The following GRHPR variants were observed in gnomAD, a reference collection of about 807,000 sequenced individuals.
The protein encoded by GRHPR is glyoxylate reductase/hydroxypyruvate reductase.
A neutral mutation model predicts 36.8 loss-of-function variants in GRHPR; 35 were observed. That is an observed-to-expected ratio of 0.95 (90% confidence interval 0.73 to 1.26). The LOEUF is 1.26. GRHPR is among the 50% of genes most tolerant of loss of function. The probability of loss-of-function intolerance (pLI) is 0.00; values close to 1 mark genes in which losing one functional copy is unlikely to be tolerated. For missense variants in GRHPR, 380 were observed against 435.0 expected, an observed-to-expected ratio of 0.87 and a Z score of 1.12; for synonymous variants, 179 against 181.0, an observed-to-expected ratio of 0.99 and a Z score of 0.09.
intron 5 of GRHPR, chr9:37,429,273 A>G (rs1160025248): frequency 7.1e-6 from 2 of 281,584 alleles, no homozygotes; most frequent in Middle Eastern, 1.2e-3. Flanking sequence ...AGCAGCTTAC[A>G]TGAAAATTGT....
upstream of GRHPR, chr9:37,422,591 C>T (rs951749623): frequency 1.5e-6 from 1 of 673,846 alleles, no homozygotes; most frequent in African/African-American, 1.8e-5. Flanking sequence ...ACAGTCACCG[C>T]TCAGCCGCAA....
downstream of GRHPR, chr9:37,438,836 C>G (rs1263576294): frequency 6.6e-6 from 1 of 152,244 alleles, no homozygotes; most frequent in Non-Finnish European, 1.5e-5. Context: ...TTTCCCACAT[C>G]TACTCGAAAG....
At chr9:37,427,852 A>C (rs1823157629) in intron 4 of GRHPR, 1 of 155,696 alleles carries the variant, frequency 6.4e-6, no homozygotes, top group Non-Finnish European at 1.4e-5. Flanking sequence ...AAAAAAAAAA[A>C]AAAAAGTTGG....
intron 8 of GRHPR, 39 bp from the exon 9 acceptor site, chr9:37,436,622 C>T (rs1292581799): frequency 8.1e-6 from 13 of 1,610,356 alleles, no homozygotes; most frequent in Non-Finnish European, 1.1e-5. Context: ...TGCTGAACCA[C>T]CCTTCTTATC....
In GRHPR at chr9:37,422,818, T is replaced by C. The variant is rs2118849212; in HGVS notation, c.68T>C (p.Leu23Pro). The C allele has an allele frequency of 9.4e-6, 15 of 1,599,626 alleles. No homozygotes were observed. Among genetic ancestry groups the C allele is most frequent in the Non-Finnish European group, 1.3e-5 (15 of 1,174,598 alleles). Residue 23 changes from leucine (L) to proline (P), a missense_variant, in exon 1 of 9, where the codon CTC becomes CCC. Transcript: ENST00000318158. ...RRIPAEGRVA[L>P]ARAADCEVEQ... ...ATACCCGCCGAGGGTAGGGTCGCGC[T>C]CGCCCGGGCGGCAGAGTAAGAGCCT...
chr9:37,422,534 C>G (rs1822872811), upstream of GRHPR: 1 of 606,554 alleles, frequency 1.6e-6, no homozygotes, highest in East Asian at 3.0e-5. Context: ...CACACACACA[C>G]AAGGACACTG....
chr9:37,437,064 C>T, downstream of GRHPR: 1 of 397,402 alleles, frequency 2.5e-6, no homozygotes, highest in Non-Finnish European at 4.8e-6. Flanking sequence ...CCTATAGTCC[C>T]AGCAACTCAG....
At chr9:37,439,116 A>T (rs960228924), downstream of GRHPR, 4 of 152,266 alleles carry the variant, frequency 2.6e-5, no homozygotes, top group African/African-American at 9.6e-5. Flanking sequence ...TGCATGAATT[A>T]AACTGACTTC....
At chr9:37,431,541 G>A (rs559383193) in intron 7 of GRHPR, 31 of 238,690 alleles carry the variant, frequency 1.3e-4, no homozygotes, top group African/African-American at 6.3e-4. Flanking sequence ...GGGTGTGCTC[G>A]TTCCTCTGCC....
intron 4 of GRHPR, chr9:37,428,086 G>A: frequency 3.0e-6 from 1 of 336,620 alleles, no homozygotes. Context: ...AGCAGGGTGG[G>A]CCCTGTGGCT....
chr9:37,434,349 G>A (rs1408567296), intron 8 of GRHPR: 16 of 477,722 alleles, frequency 3.3e-5, no homozygotes, highest in Non-Finnish European at 5.6e-5. Flanking sequence ...GGAAGGGCCA[G>A]CGGCCCCTGT....
intron 8 of GRHPR, chr9:37,432,479 A>T (rs1823418565): frequency 6.0e-6 from 2 of 335,758 alleles, no homozygotes; most frequent in South Asian, 2.4e-5. Context: ...GGGGTTCGAG[A>T]CCAACCTGGC....
At chr9:37,429,642 C>G (rs1317213368) in intron 5 of GRHPR, 90 bp from the exon 6 acceptor site, 2 of 871,762 alleles carry the variant, frequency 2.3e-6, no homozygotes, top group East Asian at 2.4e-5. Context: ...TGAAAAGGGT[C>G]TGCCCTGAGG....
At chr9:37,434,614 A>T (rs1453141167) in intron 8 of GRHPR, 1 of 200,172 alleles carries the variant, frequency 5.0e-6, no homozygotes, top group Admixed American at 6.0e-5. Context: ...CAGTCCTTCC[A>T]CCCCTTCAGA....
intron 2 of GRHPR, 64 bp downstream of exon 2, chr9:37,425,039 T>A: frequency 6.6e-7 from 1 of 1,511,890 alleles, no homozygotes; most frequent in Non-Finnish European, 9.1e-7. Context: ...CAGCCTGTGC[T>A]GCTGGCTCCT....
chr9:37,435,372 G>A (rs1198271496), intron 8 of GRHPR, among the ~76,000 whole-genome samples: 1 of 152,196 alleles, frequency 6.6e-6, no homozygotes, highest in Non-Finnish European at 1.5e-5. Flanking sequence ...TTCCATGTTG[G>A]CATTCAGCTC....
intron 8 of GRHPR, chr9:37,434,095 T>A: frequency 2.5e-6 from 1 of 398,130 alleles, no homozygotes; most frequent in East Asian, 3.6e-5. Flanking sequence ...AGGCAGGTCT[T>A]GGTCTGAGGA....
chr9:37,426,689 G>A (rs762820292), intron 4 of GRHPR, 35 bp downstream of exon 4: 3 of 1,245,912 alleles, frequency 2.4e-6, no homozygotes, highest in Non-Finnish European at 3.6e-6. Flanking sequence ...GTGGCTCACG[G>A]CTGTAATCCC....
chr9:37,434,150 A>G (rs779030509), intron 8 of GRHPR: 5 of 398,426 alleles, frequency 1.3e-5, no homozygotes, highest in Non-Finnish European at 2.2e-5. Context: ...CGCTGCTTCT[A>G]CAAAATCTAA....
Sources: allele counts gnomAD v4.1 joint callset (sites outside exome capture counted in the v4.1 genomes callset), GRCh38; gene constraint gnomAD v4.1.1; transcripts MANE v1.5; gene names NCBI Gene and HGNC (gene_info 2026-07-23, HGNC 2026-07-21).